MMP2: variants seen among roughly 807,000 people sequenced by gnomAD.
The protein encoded by MMP2 is 72 kDa type IV collagenase.
A neutral mutation model predicts 74.8 loss-of-function variants in MMP2; 39 were observed. That is an observed-to-expected ratio of 0.52 (90% CI 0.40 to 0.68). The LOEUF (loss-of-function observed/expected upper bound fraction) is 0.68. Ranked by LOEUF, MMP2 falls within the 30% of genes least tolerant of loss-of-function variation. MMP2 has a pLI of 0.00. For missense variants in MMP2, 803 were observed against 878.3 expected (o/e 0.91, Z 1.08); for synonymous variants, 367 against 339.8 (o/e 1.08, Z -0.88).
In MMP2 at chr16:55,491,871, T is replaced by A; in HGVS notation, c.1251T>A (p.Pro417=). ...HAMGLEHSQD[P]GALMAPIYTY... is the part of the protein sequence containing the mutation. Reference sequence around the variant, plus strand: ...TGGGGCTGGAGCACTCCCAAGACCCTGGGGCCCTGATGGCACCCATTTACA... The same window carrying A: ...TGGGGCTGGAGCACTCCCAAGACCCAGGGGCCCTGATGGCACCCATTTACA... The change falls in exon 8 of 13, where the codon CCT becomes CCA. Residue 417 remains proline, a synonymous_variant. Transcript: ENST00000219070. 6.2e-7 allele frequency: 1 copy of A among 1,614,040 alleles called. No homozygotes were observed. Among genetic ancestry groups the A allele is most frequent in the Non-Finnish European group, 8.5e-7 (1 of 1,179,978 alleles).
Position 55,506,111 on chromosome 16 carries a change from C to G in MMP2, c.*669C>G, listed in dbSNP as rs17860024. 4.5e-4 allele frequency: 69 copies of G among 152,650 alleles called. 1 individual carries two copies. The South Asian group carries it at 0.014, about 31-fold the overall frequency. 9.5% of individuals were successfully genotyped at this position (152,650 alleles called of 1,614,324 possible). A position where few individuals can be genotyped will look rare whatever the true frequency, so the allele number is the denominator to read the frequency against. The stretch of plus-strand genomic sequence containing the variant: ...TTCACTCTACTTAGCATGTCCCTAC[C>G]GAGTCTCTTCTCCACTGGATGGAGG... On this transcript the variant is annotated 3_prime_UTR_variant, in exon 13 of 13. Coordinates refer to ENST00000219070, the MANE Select transcript of MMP2 (RefSeq NM_004530.6).
chr16:55,483,178 G>T (rs767962874), intron 2 of MMP2, 43 bp downstream of exon 2: 1 of 1,516,722 alleles, frequency 6.6e-7, no homozygotes. Context: ...TGGGGCTGAG[G>T]GACACGAGTC....
intron 3 of MMP2, 78 bp from the exon 4 acceptor site, chr16:55,485,220 TC>T: frequency 6.2e-7 from 1 of 1,601,502 alleles, no homozygotes. Flanking sequence ...GCTGACAGGC[TC>T]CACATGTAGA....
In MMP2 at chr16:55,490,275, G is replaced by A. The variant is rs1420485940; in HGVS notation, c.1180+451G>A. 2.6e-5 allele frequency among the ~76,000 whole-genome samples: 4 copies of A among 152,072 alleles called. 1 individual carries two copies. The highest frequency in any genetic ancestry group is 6.5e-5 in the Admixed American group (1 of 15,282). ...GGAGCTGGTAGGCAGTAGAAGAAAG[G>A]AAAAAAGGAAGAGCCTCATGCTTGA... On this transcript the variant is annotated intron_variant, in intron 7 of 12. Coordinates refer to ENST00000219070, the MANE Select transcript of MMP2 (RefSeq NM_004530.6).
In MMP2 at chr16:55,483,074, G is replaced by A; in HGVS notation, c.319G>A (p.Val107Met). 6.2e-7 allele frequency: 1 copy of A among 1,614,160 alleles called. No homozygotes were observed. Among genetic ancestry groups the A allele is most frequent in the Non-Finnish European group, 8.5e-7 (1 of 1,180,038 alleles). Residue 107 changes from valine (V) to methionine (M), a missense_variant, in exon 2 of 13, where the codon GTG becomes ATG. Physicochemically the swap from Val to Met is conservative, Grantham distance 21 (BLOSUM62 1). Coordinates refer to ENST00000219070, the MANE Select transcript of MMP2 (RefSeq NM_004530.6). Reference sequence around the variant, plus strand: ...GAAGCCACGCTGCGGCAACCCAGATGTGGCCAACTACAACTTCTTCCCTCG... The same window carrying A: ...GAAGCCACGCTGCGGCAACCCAGATATGGCCAACTACAACTTCTTCCCTCG... The part of the protein sequence containing the change: ...MRKPRCGNPD[V>M]ANYNFFPRKP...
At position 55,482,991 on chromosome 16, in the gene MMP2, A is replaced by C; in HGVS notation, c.236A>C (p.Lys79Thr). ...VLKDTLKKMQ[K>T]FFGLPQTGDL... ...AAGGACACACTAAAGAAGATGCAGA[A>C]GTTCTTTGGACTGCCCCAGACAGGT... The change falls in exon 2 of 13, where the codon AAG becomes ACG. Residue 79 changes from lysine to threonine, a missense_variant. Physicochemically the swap from Lys to Thr is moderately conservative, Grantham distance 78. This residue lies in a region of MMP2 where 223 missense variants were observed against 232.8 expected (regional missense o/e 0.96). Coordinates refer to ENST00000219070, the MANE Select transcript of MMP2 (RefSeq NM_004530.6). The C allele has an allele frequency of 1.2e-6, 2 of 1,614,196 alleles. No individual in the cohort carries two copies. Among genetic ancestry groups the C allele is most frequent in the Non-Finnish European group, 1.7e-6 (2 of 1,180,022 alleles).
chr16:55,492,072 AGACGAGGGCAGGAAATGGGAGTGTT>A, intron 8 of MMP2, 116 bp downstream of exon 8: 1 of 1,012,556 alleles, frequency 9.9e-7, no homozygotes, highest in South Asian at 1.5e-5. Context: ...GGAGTGCTGG[AGACGAGGGCAGGAAATGGGAGTGTT>A]GACCTGGTCT....
intron 9 of MMP2, 66 bp from the exon 10 acceptor site, chr16:55,496,860 T>C (rs243838): frequency 6.3e-7 from 1 of 1,599,994 alleles, no homozygotes; most frequent in Non-Finnish European, 8.5e-7. Flanking sequence ...GGTTTGGGGG[T>C]GTGTGTGGTT....
Position 55,493,302 on chromosome 16 carries a change from A to G in MMP2, c.1472+9A>G. 2.5e-6 allele frequency: 4 copies of G among 1,614,156 alleles called. No individual in the cohort carries two copies. Among genetic ancestry groups the G allele is most frequent in the Non-Finnish European group, 3.4e-6 (4 of 1,180,018 alleles). On this transcript the variant is annotated intron_variant, in intron 9 of 12. Coordinates refer to ENST00000219070, the MANE Select transcript of MMP2 (RefSeq NM_004530.6). The stretch of plus-strand genomic sequence containing the variant: ...TTCTTCTTCAAGGACCGGTGAGTGC[A>G]GGAGCTTGCTTCTTGTCCTCCTTGT...
intron 8 of MMP2, 43 bp from the exon 9 acceptor site, chr16:55,493,115 C>T (rs773289977): frequency 6.2e-7 from 1 of 1,611,430 alleles, no homozygotes; most frequent in African/African-American, 1.3e-5. Flanking sequence ...GTGGGGAGAA[C>T]CTCTGGAGCT....
chr16:55,479,302 G>T lies in MMP2; in HGVS notation c.-178G>T, dbSNP rs965602247. Reference sequence around the variant, plus strand: ...TGCGGCGGCGGCGGCGGCGGCGGGGGCTGGGGCGCGGGGGCCGGACCATGA... The same window carrying T: ...TGCGGCGGCGGCGGCGGCGGCGGGGTCTGGGGCGCGGGGGCCGGACCATGA... On this transcript the variant is annotated 5_prime_UTR_variant, in exon 1 of 13. Coordinates refer to ENST00000219070, the MANE Select transcript of MMP2 (RefSeq NM_004530.6). 3.2e-6 allele frequency: 2 copies of T among 620,350 alleles called. No individual in the cohort carries two copies. The highest frequency in any genetic ancestry group is 4.6e-5 in the Admixed American group (1 of 21,522). 38.4% of individuals were successfully genotyped at this position (620,350 alleles called of 1,614,324 possible). A position where few individuals can be genotyped will look rare whatever the true frequency, so the allele number is the denominator to read the frequency against.
intron 7 of MMP2, among the ~76,000 whole-genome samples, chr16:55,491,284 C>G (rs1255591071): frequency 6.6e-6 from 1 of 152,124 alleles, no homozygotes; most frequent in Non-Finnish European, 1.5e-5. Context: ...ACAGGTTTTG[C>G]TCGCTGGCTG....
intron 1 of MMP2, chr16:55,481,606 TC>T (rs1170602809): frequency 2.1e-6 from 1 of 466,736 alleles, no homozygotes; most frequent in Admixed American, 3.8e-5. Flanking sequence ...CTCAGCCTCA[TC>T]TTACCCAGCC....
rs567092201 is a variant in MMP2, at chr16:55,479,277, T to TGCGGCG, written c.-186_-181dup. On this transcript the variant is annotated 5_prime_UTR_variant, in exon 1 of 13. Coordinates refer to ENST00000219070, the MANE Select transcript of MMP2 (RefSeq NM_004530.6). Reference sequence around the variant, plus strand: ...AACATACAAAGGGATTGCCAGGACCTGCGGCGGCGGCGGCGGCGGCGGGGG... The same window carrying TGCGGCG: ...AACATACAAAGGGATTGCCAGGACCTGCGGCGGCGGCGGCGGCGGCGGCGGCGGGGG... 7.5e-6 allele frequency: 3 copies of TGCGGCG among 401,388 alleles called. No individual in the cohort carries two copies. Among genetic ancestry groups the TGCGGCG allele is most frequent in the East Asian group, 4.7e-5 (1 of 21,410 alleles). 24.9% of individuals were successfully genotyped at this position (401,388 alleles called of 1,614,324 possible).
At chr16:55,494,728 T>C (rs16955260) in intron 9 of MMP2, among the ~76,000 whole-genome samples, 2,478 of 152,356 alleles carry the variant, frequency 0.016, 65 homozygotes, top group African/African-American at 0.053. Flanking sequence ...CAAGTCCAGT[T>C]TGAGAAATAG....
At chr16:55,500,185 G>A (rs988028020) in intron 11 of MMP2, among the ~76,000 whole-genome samples, 5 of 152,196 alleles carry the variant, frequency 3.3e-5, no homozygotes, top group Middle Eastern at 3.4e-3. Context: ...CACAGAGCAG[G>A]CTTTCCACCC....
Position 55,502,798 on chromosome 16 carries a change from A to G in MMP2, c.1789A>G (p.Lys597Glu), listed in dbSNP as rs751176158. Reference sequence around the variant, plus strand: ...TTACAGATACAATGAGGTGAAGAAGAAAATGGATCCTGGCTTCCCCAAGCT... The same window carrying G: ...TTACAGATACAATGAGGTGAAGAAGGAAATGGATCCTGGCTTCCCCAAGCT... ...KFWRYNEVKK[K>E]MDPGFPKLIA... is the part of the protein sequence containing the mutation. Residue 597 changes from lysine to glutamate, a missense_variant, in exon 12 of 13, where the codon AAA becomes GAA. Physicochemically the swap from Lys to Glu is moderately conservative, Grantham distance 56. Transcript: ENST00000219070. The G allele has an allele frequency of 1.2e-6, 2 of 1,613,938 alleles. No homozygotes were observed. The highest frequency in any genetic ancestry group is 2.2e-5 in the South Asian group (2 of 91,082).
chr16:55,502,445 AC>A lies in MMP2; in HGVS notation c.1770-330del, dbSNP rs138089020. On this transcript the variant is annotated intron_variant, in intron 11 of 12. Coordinates refer to ENST00000219070, the MANE Select transcript of MMP2 (RefSeq NM_004530.6). ...AATTAAATACACTAAATTAGACACA[AC>A]CCCATTTTACAGCTGGTAAAACTGT... 8.5e-3 allele frequency among the ~76,000 whole-genome samples: 1,294 copies of A among 152,184 alleles called. 18 individuals carry two copies. The highest frequency in any genetic ancestry group is 0.029 in the African/African-American group (1,219 of 41,516).
chr16:55,498,642 C>T (rs114735367), intron 11 of MMP2, among the ~76,000 whole-genome samples, 194 bp downstream of exon 11: 2,471 of 152,334 alleles, frequency 0.016, 65 homozygotes, highest in African/African-American at 0.053. Flanking sequence ...GTACACATTG[C>T]TGATATAATT....
Sources: allele counts gnomAD v4.1 joint callset (sites outside exome capture counted in the v4.1 genomes callset), GRCh38; gene constraint gnomAD v4.1.1; regional missense constraint gnomAD v4.1.1; transcripts MANE v1.5; gene names NCBI Gene and HGNC (gene_info 2026-07-23, HGNC 2026-07-21).